JCHAIN: variants seen among roughly 807,000 people sequenced by gnomAD.
The protein encoded by JCHAIN is immunoglobulin J chain.
In JCHAIN, 5 loss-of-function variants were observed where a neutral mutation model predicts 11.1. That is an observed-to-expected ratio of 0.45 (90% confidence interval 0.24 to 0.95). JCHAIN has a LOEUF of 0.95. Among genes scored for constraint, JCHAIN ranks in the 40% least tolerant of loss-of-function variants. JCHAIN has a pLI of 0.21. For synonymous variants in JCHAIN, 51 were observed against 67.8 expected (o/e 0.75, Z 1.22); for missense variants, 165 against 192.7 (o/e 0.86, Z 0.85).
chr4:70,666,352 A>C lies in JCHAIN; in HGVS notation c.64+75T>G, dbSNP rs558935845. 1.5e-5 allele frequency: 16 copies of C among 1,067,366 alleles called. No homozygotes were observed. The South Asian group carries it at 1.9e-4, about 13-fold the overall frequency. The allele number at this position is 1,067,366 out of a possible 1,614,324, so 66.1% of individuals were successfully genotyped here. On this transcript the variant is annotated intron_variant, in intron 1 of 3. Transcript: ENST00000254801. Reference sequence around the variant, plus strand: ...ACTGGCCAACCAAAGCATAGGCATAAATGTTTAAAACTGAAAAACAGATCT... The same window carrying C: ...ACTGGCCAACCAAAGCATAGGCATACATGTTTAAAACTGAAAAACAGATCT...
At position 70,658,335 on chromosome 4, in the gene JCHAIN, C is replaced by T. The variant is rs552288614; in HGVS notation, c.189-1044G>A. ...TTTCTAAAAATGCAAGCTTAATTTCCTTCTCTGCTTAAAACCTCTAGTGTC... is the reference window on the plus strand; with the variant it reads ...TTTCTAAAAATGCAAGCTTAATTTCTTTCTCTGCTTAAAACCTCTAGTGTC... On this transcript the variant is annotated intron_variant, in intron 2 of 3. Transcript: ENST00000254801. Among the ~76,000 whole-genome samples the T allele has an allele frequency of 8.5e-5, 13 of 152,292 alleles. No homozygotes were observed. The South Asian group carries it at 2.5e-3, about 29-fold the overall frequency.
At chr4:70,659,033 A>T (rs1739005981) in intron 2 of JCHAIN, among the ~76,000 whole-genome samples, 1 of 152,232 alleles carries the variant, frequency 6.6e-6, no homozygotes, top group Admixed American at 6.5e-5. Flanking sequence ...ATTCTTAATA[A>T]GACTGTAAAG....
intron 1 of JCHAIN, 112 bp downstream of exon 1, chr4:70,666,315 A>T (rs966520541): frequency 1.5e-6 from 1 of 665,036 alleles, no homozygotes; most frequent in Admixed American, 2.8e-5. Flanking sequence ...GTTAGGAAAA[A>T]GTAGCTGGCT....
At chr4:70,660,825 T>G (rs1340130719) in intron 2 of JCHAIN, among the ~76,000 whole-genome samples, 1 of 152,056 alleles carries the variant, frequency 6.6e-6, no homozygotes, top group Non-Finnish European at 1.5e-5. Flanking sequence ...TCACAAGACT[T>G]TTAAGCAGGA....
chr4:70,662,201 T>G lies in JCHAIN; in HGVS notation c.79A>C (p.Arg27=). The stretch of plus-strand genomic sequence containing the variant: ...CATTTGTTGTCAACAAGAACAATCC[T>G]TTCATCTTCTTGGGCTTGAAAGGTA... ...AVHVKAQEDE[R]IVLVDNKCKC... is the part of the protein sequence containing the mutation. Residue 27 remains arginine, a synonymous_variant, in exon 2 of 4, where the codon AGG becomes CGG. Coordinates refer to ENST00000254801, the MANE Select transcript of JCHAIN (RefSeq NM_144646.4). The G allele has an allele frequency of 6.2e-7, 1 of 1,613,220 alleles. No homozygotes were observed. Among genetic ancestry groups the G allele is most frequent in the Non-Finnish European group, 8.5e-7 (1 of 1,179,372 alleles).
In JCHAIN at chr4:70,657,290, C is replaced by A; in HGVS notation, c.190G>T (p.Val64Phe). Residue 64 changes from valine to phenylalanine, a missense_variant and splice_region_variant, in exon 3 of 4, where the codon GTT becomes TTT. Physicochemically the swap from Val to Phe is conservative, Grantham distance 50. Coordinates refer to ENST00000254801, the MANE Select transcript of JCHAIN (RefSeq NM_144646.4). The part of the protein sequence containing the change: ...DIVERNIRII[V>F]PLNNRENISD... ...ATATTCTCCCTGTTGTTCAGAGGAACACTAAAAGAAAAGAAAGAAAACAAA... is the reference window on the plus strand; with the variant it reads ...ATATTCTCCCTGTTGTTCAGAGGAAAACTAAAAGAAAAGAAAGAAAACAAA... 1 of 1,580,398 alleles carries A rather than the reference C, an allele frequency of 6.3e-7. No individual in the cohort carries two copies.
At chr4:70,659,913 A>G (rs1739023858) in intron 2 of JCHAIN, among the ~76,000 whole-genome samples, 1 of 152,182 alleles carries the variant, frequency 6.6e-6, no homozygotes, top group Non-Finnish European at 1.5e-5. Flanking sequence ...TGGCACAGCA[A>G]TGGCAATATA....
rs571796372 is a variant in JCHAIN, at chr4:70,660,461, G to A, written c.188+1631C>T. Among the ~76,000 whole-genome samples the A allele has an allele frequency of 1.2e-4, 18 of 149,126 alleles. No homozygotes were observed. The South Asian group carries it at 3.8e-3, about 31-fold the overall frequency. Reference sequence around the variant, plus strand: ...AGCAATGGCATGATCTTGGCTGACTGCAACCTCCGCCTTCCGGGTTCAAGT... The same window carrying A: ...AGCAATGGCATGATCTTGGCTGACTACAACCTCCGCCTTCCGGGTTCAAGT... On this transcript the variant is annotated intron_variant, in intron 2 of 3. Transcript: ENST00000254801.
chr4:70,662,898 G>A (rs981097407), intron 1 of JCHAIN, among the ~76,000 whole-genome samples: 2 of 151,898 alleles, frequency 1.3e-5, no homozygotes, highest in Non-Finnish European at 2.9e-5. Context: ...GGTGGAGGTT[G>A]CAGTGAGCCA....
chr4:70,657,529 C>A (rs770483095), intron 2 of JCHAIN, among the ~76,000 whole-genome samples: 55 of 152,248 alleles, frequency 3.6e-4, no homozygotes, highest in Non-Finnish European at 6.8e-4. Context: ...GCTGACTTGG[C>A]AAATTTTTGC....
chr4:70,664,215 A>T (rs1317176637), intron 1 of JCHAIN: 4 of 151,696 alleles, frequency 2.6e-5, no homozygotes, highest in African/African-American at 9.7e-5. Flanking sequence ...CAACAGAGCG[A>T]GACTCCATCT....
chr4:70,663,420 T>G (rs1398322250), intron 1 of JCHAIN: 2 of 152,268 alleles, frequency 1.3e-5, no homozygotes, highest in Non-Finnish European at 2.9e-5. Context: ...GGTCTTAAAC[T>G]CCTGACCTCA....
chr4:70,657,307 G>A lies in JCHAIN; in HGVS notation c.189-16C>T. ...CAGAGGAACACTAAAAGAAAAGAAA[G>A]AAAACAAAGTTAAAACAATGAAATG... is the stretch of plus-strand genomic sequence containing the variant. On this transcript the variant is annotated splice_polypyrimidine_tract_variant and intron_variant, in intron 2 of 3. Transcript: ENST00000254801. The A allele has an allele frequency of 6.7e-7, 1 of 1,499,966 alleles. No homozygotes were observed. The highest frequency in any genetic ancestry group is 9.3e-7 in the Non-Finnish European group (1 of 1,079,294). The allele number at this position is 1,499,966 out of a possible 1,614,324, so 92.9% of individuals were successfully genotyped here.
chr4:70,662,732 G>A (rs753941483), intron 1 of JCHAIN, among the ~76,000 whole-genome samples: 3 of 152,058 alleles, frequency 2.0e-5, no homozygotes, highest in Non-Finnish European at 4.4e-5. Flanking sequence ...AGGCCGAGGC[G>A]GGCAGATCAC....
At chr4:70,661,372 G>T (rs558686199) in intron 2 of JCHAIN, among the ~76,000 whole-genome samples, 36 of 152,240 alleles carry the variant, frequency 2.4e-4, no homozygotes, top group African/African-American at 8.7e-4. Context: ...GCCTTATCTC[G>T]ATGCAGACAT....
intron 1 of JCHAIN, 86 bp from the exon 2 acceptor site, chr4:70,662,301 C>T: frequency 8.2e-7 from 1 of 1,225,128 alleles, no homozygotes; most frequent in South Asian, 1.4e-5. Flanking sequence ...TTCTTGCCTG[C>T]AGAAAAATAG....
At chr4:70,662,297 C>A in intron 1 of JCHAIN, 82 bp from the exon 2 acceptor site, 1 of 1,273,384 alleles carries the variant, frequency 7.9e-7, no homozygotes, top group Non-Finnish European at 1.1e-6. Flanking sequence ...ATCTTTCTTG[C>A]CTGCAGAAAA....
intron 2 of JCHAIN, among the ~76,000 whole-genome samples, chr4:70,659,417 G>A (rs1560410478): frequency 6.6e-6 from 1 of 151,730 alleles, no homozygotes; most frequent in East Asian, 1.9e-4. Flanking sequence ...AGGCGATGAG[G>A]AGTGCATATG....
intron 3 of JCHAIN, 124 bp downstream of exon 3, chr4:70,657,087 T>A: frequency 1.9e-6 from 1 of 516,196 alleles, no homozygotes; most frequent in Non-Finnish European, 3.5e-6. Context: ...TATTCAAAAG[T>A]TCAGATTATG....
Sources: allele counts gnomAD v4.1 joint callset (sites outside exome capture counted in the v4.1 genomes callset), GRCh38; gene constraint gnomAD v4.1.1; transcripts MANE v1.5; gene names NCBI Gene and HGNC (gene_info 2026-07-23, HGNC 2026-07-21).